The following PTPRR variants were observed in gnomAD, a reference collection of about 807,000 sequenced individuals.
PTPRR encodes receptor-type tyrosine-protein phosphatase R.
PTPRR carries 38 observed loss-of-function variants against 77.2 expected under a neutral mutation model. The observed-to-expected ratio is 0.49, with a 90% confidence interval of 0.38 to 0.65. The LOEUF (loss-of-function observed/expected upper bound fraction) is 0.65, where lower values mean the gene tolerates loss of function less well. Among genes scored for constraint, PTPRR ranks in the 30% least tolerant of loss-of-function variants. PTPRR has a pLI of 0.00. For missense variants in PTPRR, 744 were observed against 799.2 expected (o/e 0.93, Z 0.83); for synonymous variants, 299 against 283.1 (o/e 1.06, Z -0.57).
chr12:70,726,021 CAA>C (rs1889422446), intron 6 of PTPRR, among the ~76,000 whole-genome samples: 1 of 151,582 alleles, frequency 6.6e-6, no homozygotes, highest in Non-Finnish European at 1.5e-5. Context: ...ATGATGATCA[CAA>C]GTGATATTTT....
At chr12:70,751,456 A>T (rs999222032) in intron 5 of PTPRR, among the ~76,000 whole-genome samples, 3 of 152,122 alleles carry the variant, frequency 2.0e-5, no homozygotes, top group African/African-American at 4.8e-5. Flanking sequence ...AGAAAATGTG[A>T]TTTTTAAACA....
intron 12 of PTPRR, 108 bp from the exon 13 acceptor site, chr12:70,656,925 T>C (rs1452239041): frequency 2.8e-6 from 2 of 723,670 alleles, no homozygotes; most frequent in Non-Finnish European, 4.8e-6. Flanking sequence ...AAAAGTAGTA[T>C]TCACATATTG....
chr12:70,691,747 G>C (rs1888063259), intron 8 of PTPRR, among the ~76,000 whole-genome samples: 1 of 152,110 alleles, frequency 6.6e-6, no homozygotes, highest in South Asian at 2.1e-4. Context: ...TATTCTGCCT[G>C]TTCTGTCTCC....
At chr12:70,663,469 T>A (rs1284379075) in intron 10 of PTPRR, among the ~76,000 whole-genome samples, 1 of 152,218 alleles carries the variant, frequency 6.6e-6, no homozygotes, top group African/African-American at 2.4e-5. Context: ...ACTTACAACA[T>A]GTTATTATTG....
chr12:70,733,899 G>C (rs1330293477), intron 6 of PTPRR, among the ~76,000 whole-genome samples: 4 of 152,186 alleles, frequency 2.6e-5, no homozygotes, highest in Non-Finnish European at 5.9e-5. Context: ...GATGAGAGGA[G>C]AGTGGTGCCT....
chr12:70,816,791 T>C (rs1215768308), intron 2 of PTPRR, among the ~76,000 whole-genome samples: 1 of 152,028 alleles, frequency 6.6e-6, no homozygotes, highest in Non-Finnish European at 1.5e-5. Flanking sequence ...TTATTTAAAA[T>C]ATTTTAAAAT....
intron 2 of PTPRR, among the ~76,000 whole-genome samples, chr12:70,807,206 G>A (rs1265803260): frequency 6.6e-6 from 1 of 152,180 alleles, no homozygotes; most frequent in Non-Finnish European, 1.5e-5. Context: ...GGATAGACAA[G>A]TAAAGGGATG....
intron 8 of PTPRR, among the ~76,000 whole-genome samples, chr12:70,692,743 C>T (rs1888097658): frequency 6.6e-6 from 1 of 152,194 alleles, no homozygotes; most frequent in African/African-American, 2.4e-5. Context: ...AAAATACTGT[C>T]TTTCTGAAGT....
intron 2 of PTPRR, among the ~76,000 whole-genome samples, chr12:70,865,923 T>G (rs535033298): frequency 6.6e-6 from 1 of 152,268 alleles, no homozygotes; most frequent in South Asian, 2.1e-4. Flanking sequence ...CTCTTAATTT[T>G]TTAAAGAAAT....
intron 1 of PTPRR, among the ~76,000 whole-genome samples, chr12:70,912,756 C>A (rs1893718130): frequency 6.6e-6 from 1 of 152,008 alleles, no homozygotes; most frequent in Non-Finnish European, 1.5e-5. Context: ...CCTTTTGTGG[C>A]AAATATCATT....
chr12:70,823,123 A>ACC lies in PTPRR; in HGVS notation c.358-58346_358-58345insGG, dbSNP rs1042167628. Among the ~76,000 whole-genome samples, 18 of 133,744 alleles carry ACC rather than the reference A, an allele frequency of 1.3e-4. No homozygotes were observed. The South Asian group carries it at 1.4e-3, about 10-fold the overall frequency. 87.7% of individuals were successfully genotyped at this position (133,744 alleles called of 152,430 possible). ...CTCTCTCTCTGACACACACACACAC[A>ACC]CACACACACACACACACACACACAC... is the stretch of plus-strand genomic sequence containing the variant. On this transcript the variant is annotated intron_variant, in intron 2 of 13. Transcript: ENST00000283228.
chr12:70,818,098 G>T (rs1265144982), intron 2 of PTPRR, among the ~76,000 whole-genome samples: 1 of 151,968 alleles, frequency 6.6e-6, no homozygotes, highest in Non-Finnish European at 1.5e-5. Flanking sequence ...TGTAATCCTA[G>T]CTACTCAGGA....
chr12:70,797,214 T>A (rs920865985), intron 2 of PTPRR, among the ~76,000 whole-genome samples: 1 of 152,176 alleles, frequency 6.6e-6, no homozygotes, highest in Non-Finnish European at 1.5e-5. Flanking sequence ...TTCTAATATA[T>A]GCCAAGGAAT....
At chr12:70,829,477 C>T (rs1428371642) in intron 2 of PTPRR, among the ~76,000 whole-genome samples, 1 of 152,024 alleles carries the variant, frequency 6.6e-6, no homozygotes, top group African/African-American at 2.4e-5. Context: ...GGAATAAATA[C>T]ATTTATTTAT....
At chr12:70,883,576 A>T (rs1893185176) in intron 2 of PTPRR, among the ~76,000 whole-genome samples, 1 of 152,114 alleles carries the variant, frequency 6.6e-6, no homozygotes, top group Admixed American at 6.5e-5. Flanking sequence ...GTATTTAAGA[A>T]CTGTTGTGTG....
At chr12:70,820,334 T>C (rs1453636384) in intron 2 of PTPRR, among the ~76,000 whole-genome samples, 1 of 152,172 alleles carries the variant, frequency 6.6e-6, no homozygotes, top group East Asian at 1.9e-4. Context: ...TTTTTTCTTT[T>C]TTCTTTTTTT....
intron 6 of PTPRR, among the ~76,000 whole-genome samples, chr12:70,717,243 T>C (rs1889065961): frequency 6.6e-6 from 1 of 152,158 alleles, no homozygotes; most frequent in Non-Finnish European, 1.5e-5. Flanking sequence ...CAATATATGT[T>C]TCTGTGAATG....
chr12:70,829,249 G>GGAATAAAT (rs1892169411), intron 2 of PTPRR, among the ~76,000 whole-genome samples: 1 of 149,066 alleles, frequency 6.7e-6, no homozygotes, highest in African/African-American at 2.5e-5. Flanking sequence ...GAAGGAAAGA[G>GGAATAAAT]AAATAAATAA....
chr12:70,872,118 C>A (rs1892967735), intron 2 of PTPRR, among the ~76,000 whole-genome samples: 1 of 152,060 alleles, frequency 6.6e-6, no homozygotes. Flanking sequence ...ATTGTAGCCA[C>A]ATTTAGTTTT....
Sources: gnomAD v4.1 joint callset for allele counts (sites outside exome capture counted in the v4.1 genomes callset) on GRCh38, gnomAD v4.1.1 for gene constraint, MANE v1.5 for transcripts, NCBI Gene and HGNC (gene_info 2026-07-23, HGNC 2026-07-21) for gene names.